ARSB: variants seen among roughly 807,000 people sequenced by gnomAD.
The protein encoded by ARSB is N-acetylgalactosamine-4-sulfatase.
Under a neutral mutation model 50.9 loss-of-function variants are expected in ARSB, and 41 were observed. That is an observed-to-expected ratio of 0.81 (90% CI 0.63 to 1.04). The LOEUF (loss-of-function observed/expected upper bound fraction) is 1.04. ARSB is among the 50% of genes least tolerant of loss of function. The pLI is 0.00. For missense variants in ARSB, 672 were observed against 693.3 expected, an observed-to-expected ratio of 0.97 and a Z score of 0.35; for synonymous variants, 269 against 284.8, an observed-to-expected ratio of 0.94 and a Z score of 0.56.
intron 6 of ARSB, among the ~76,000 whole-genome samples, chr5:78,829,004 C>A (rs1159600748): frequency 6.6e-6 from 1 of 152,232 alleles, no homozygotes; most frequent in Non-Finnish European, 1.5e-5. Flanking sequence ...AAGGACCCAA[C>A]CTTCCATTGC....
chr5:78,871,420 A>G (rs1315524074), intron 5 of ARSB, among the ~76,000 whole-genome samples: 1 of 151,358 alleles, frequency 6.6e-6, no homozygotes, highest in African/African-American at 2.4e-5. Context: ...AAACTATACT[A>G]CAAGGCTTCA....
chr5:78,857,638 A>G (rs1018093170), intron 5 of ARSB, among the ~76,000 whole-genome samples: 1 of 152,188 alleles, frequency 6.6e-6, no homozygotes, highest in Non-Finnish European at 1.5e-5. Context: ...TAGCTTCTTT[A>G]AGGTAGGCAC....
At chr5:78,933,614 T>C (rs529307513) in intron 4 of ARSB, among the ~76,000 whole-genome samples, 1 of 151,278 alleles carries the variant, frequency 6.6e-6, no homozygotes, top group Admixed American at 6.6e-5. Context: ...AGGACGAGCA[T>C]TTGCATGTGT....
At position 78,841,132 on chromosome 5, in the gene ARSB, G is replaced by GTACTACTACTACTACTACTACTAC. The variant is rs71613989; in HGVS notation, c.1143-1730_1143-1707dup. 6.2e-4 allele frequency among the ~76,000 whole-genome samples: 84 copies of GTACTACTACTACTACTACTACTAC among 134,694 alleles called. No individual in the cohort carries two copies. In the East Asian group the frequency reaches 8.6e-3, roughly 14 times the overall value. 88.4% of individuals were successfully genotyped at this position (134,694 alleles called of 152,430 possible). A position where few individuals can be genotyped will look rare whatever the true frequency, so the allele number is the denominator to read the frequency against. On this transcript the variant is annotated intron_variant, in intron 5 of 7. Transcript: ENST00000264914. ...TAGGCAACATACTGAGACCTGGTCT[G>GTACTACTACTACTACTACTACTAC]TACTACTACTACTACTACTACTACT...
At chr5:78,818,124 G>A (rs187395623) in intron 6 of ARSB, among the ~76,000 whole-genome samples, 10 of 152,234 alleles carry the variant, frequency 6.6e-5, no homozygotes, top group African/African-American at 2.4e-4. Context: ...CTCCAGCCTG[G>A]GTGACAGAGC....
At chr5:78,906,317 C>T (rs887071425) in intron 4 of ARSB, among the ~76,000 whole-genome samples, 3 of 151,824 alleles carry the variant, frequency 2.0e-5, no homozygotes, top group Admixed American at 6.6e-5. Context: ...TGGGCAACAG[C>T]GTGAGACTCA....
chr5:78,855,892 A>C (rs940945080), intron 5 of ARSB, among the ~76,000 whole-genome samples: 3 of 152,080 alleles, frequency 2.0e-5, no homozygotes, highest in African/African-American at 7.2e-5. Context: ...CCCATTCTCT[A>C]TGTGGCCATC....
At chr5:78,916,769 T>C (rs1013589815) in intron 4 of ARSB, among the ~76,000 whole-genome samples, 3 of 152,162 alleles carry the variant, frequency 2.0e-5, no homozygotes, top group African/African-American at 4.8e-5. Flanking sequence ...TGTTATTCAT[T>C]CTTGGGGGGA....
chr5:78,859,853 T>A (rs1417367851), intron 5 of ARSB, among the ~76,000 whole-genome samples: 2 of 152,014 alleles, frequency 1.3e-5, no homozygotes, highest in East Asian at 1.9e-4. Flanking sequence ...ATGGAAGAGA[T>A]CAGGCATGAG....
At chr5:78,860,953 A>G (rs1422893177) in intron 5 of ARSB, among the ~76,000 whole-genome samples, 2 of 152,266 alleles carry the variant, frequency 1.3e-5, no homozygotes, top group Non-Finnish European at 2.9e-5. Flanking sequence ...CCACAGAAAT[A>G]CAAACTACCG....
intron 6 of ARSB, among the ~76,000 whole-genome samples, chr5:78,822,756 G>A (rs1744286504): frequency 6.6e-6 from 1 of 152,114 alleles, no homozygotes; most frequent in African/African-American, 2.4e-5. Flanking sequence ...TCCTGCCTCA[G>A]CCTCCTGAGT....
chr5:78,961,313 A>C (rs1283595307), intron 3 of ARSB, among the ~76,000 whole-genome samples: 2 of 152,252 alleles, frequency 1.3e-5, no homozygotes, highest in African/African-American at 2.4e-5. Flanking sequence ...GCTGTCTTAA[A>C]CATTCTTGGG....
rs1024679053 is a variant in ARSB, at chr5:78,984,868, G to A, written c.312+69C>T. The A allele has an allele frequency of 1.3e-5, 16 of 1,214,424 alleles. No homozygotes were observed. In the Admixed American group the frequency reaches 4.8e-4, roughly 37 times the overall value. The allele number at this position is 1,214,424 out of a possible 1,614,324, so 75.2% of individuals were successfully genotyped here. A position where few individuals can be genotyped will look rare whatever the true frequency, so the allele number is the denominator to read the frequency against. Reference sequence around the variant, plus strand: ...GCCAGCGCCCGCGGCCTCAAGGGCCGGGTAGGAGCGGCAGGGCGCCGGCGA... The same window carrying A: ...GCCAGCGCCCGCGGCCTCAAGGGCCAGGTAGGAGCGGCAGGGCGCCGGCGA... On this transcript the variant is annotated intron_variant, in intron 1 of 7. Transcript: ENST00000264914.
intron 5 of ARSB, among the ~76,000 whole-genome samples, chr5:78,840,446 T>C (rs1049470096): frequency 6.6e-6 from 1 of 152,152 alleles, no homozygotes; most frequent in Admixed American, 6.6e-5. Context: ...CAATGCCCAA[T>C]ACAATTTCAA....
intron 6 of ARSB, among the ~76,000 whole-genome samples, chr5:78,833,628 C>T (rs1340373517): frequency 6.6e-6 from 1 of 152,146 alleles, no homozygotes; most frequent in Admixed American, 6.5e-5. Flanking sequence ...GATGAAACAA[C>T]CAGAGGGAAC....
chr5:78,885,716 A>G lies in ARSB; in HGVS notation c.1010T>C (p.Leu337Pro). Residue 337 changes from leucine (L) to proline (P), a missense_variant, in exon 5 of 8, where the codon CTG (leucine) becomes CCG (proline). Physicochemically the swap from Leu to Pro is moderately conservative, Grantham distance 98. Coordinates refer to ENST00000264914, the MANE Select transcript of ARSB (RefSeq NM_000046.5). ...RGVGFVASPL[L>P]KQKGVKNREL... is the part of the protein sequence containing the mutation. ...CCGGTTCTTCACGCCCTTCTGCTTC[A>G]GCAAGGGGCTTGCCACAAAGCCCAC... 2 of 1,614,108 alleles carry G rather than the reference A, an allele frequency of 1.2e-6. No homozygotes were observed. Among genetic ancestry groups the G allele is most frequent in the Non-Finnish European group, 1.7e-6 (2 of 1,180,008 alleles).
chr5:78,901,149 G>T (rs752621848), intron 4 of ARSB, among the ~76,000 whole-genome samples: 1 of 150,928 alleles, frequency 6.6e-6, no homozygotes, highest in Non-Finnish European at 1.5e-5. Context: ...TAAGGTCACC[G>T]ATTGCACTGG....
At chr5:78,787,091 C>CATCTATCTATCTATCTATCT (rs143701672) in intron 6 of ARSB, among the ~76,000 whole-genome samples, 224 of 128,048 alleles carry the variant, frequency 1.7e-3, no homozygotes, top group South Asian at 6.0e-3. Flanking sequence ...AATCGATAAC[C>CATCTATCTATCTATCTATCT]ATCTATCTAT....
chr5:78,816,095 C>G, intron 6 of ARSB: 1 of 1,614,142 alleles, frequency 6.2e-7, no homozygotes, highest in Non-Finnish European at 8.5e-7. Context: ...GCTACAACAG[C>G]AGCGAGCACT....
Sources: gnomAD v4.1 joint callset for allele counts (sites outside exome capture counted in the v4.1 genomes callset) on GRCh38, gnomAD v4.1.1 for gene constraint, MANE v1.5 for transcripts, NCBI Gene and HGNC (gene_info 2026-07-23, HGNC 2026-07-21) for gene names.